ELP2: variants seen among roughly 807,000 people sequenced by gnomAD.
ELP2 encodes elongator acetyltransferase complex subunit 2, also known as elongator complex protein 2.
Under a neutral mutation model 119.2 loss-of-function variants are expected in ELP2, and 90 were observed. The ratio of observed to expected loss-of-function variants is 0.75; its 90% CI spans 0.64 to 0.90. The LOEUF (loss-of-function observed/expected upper bound fraction) is 0.90. Ranked by LOEUF, ELP2 falls within the 40% of genes least tolerant of loss-of-function variation. ELP2 has a pLI of 0.00. For synonymous variants in ELP2, 339 were observed against 331.0 expected, an observed-to-expected ratio of 1.02 and a Z score of -0.26; for missense variants, 921 against 967.8, an observed-to-expected ratio of 0.95 and a Z score of 0.64.
intron 2 of ELP2, among the ~76,000 whole-genome samples, chr18:36,135,233 A>G (rs1260610102): frequency 6.6e-6 from 1 of 152,270 alleles, no homozygotes; most frequent in Non-Finnish European, 1.5e-5. Context: ...ACTGTAATCT[A>G]TAACTATTAT....
intron 4 of ELP2, 67 bp downstream of exon 4, chr18:36,138,493 G>A: frequency 4.7e-6 from 7 of 1,495,184 alleles, no homozygotes; most frequent in Non-Finnish European, 6.5e-6. Flanking sequence ...ACGAGTAGAA[G>A]AGCATATATA....
chr18:36,170,811 C>T, intron 20 of ELP2: 1 of 558,722 alleles, frequency 1.8e-6, no homozygotes, highest in South Asian at 2.1e-5. Context: ...GCTGGGGAAA[C>T]ACTGGCTCAT....
At chr18:36,133,897 GTTTTTTTTTTTTT>G (rs57135329) in intron 2 of ELP2, among the ~76,000 whole-genome samples, 31 of 60,808 alleles carry the variant, frequency 5.1e-4, no homozygotes, top group African/African-American at 2.2e-3. Flanking sequence ...TTTTTTAGGG[GTTTTTTTTTTTTT>G]TTTTTTTTTT....
chr18:36,163,576 T>C (rs1019906919), intron 17 of ELP2, among the ~76,000 whole-genome samples: 2 of 152,144 alleles, frequency 1.3e-5, no homozygotes, highest in African/African-American at 4.8e-5. Context: ...AGGAGTTTTA[T>C]GGATTTTTAG....
At chr18:36,171,403 C>T (rs964222279) in intron 21 of ELP2, among the ~76,000 whole-genome samples, 3 of 152,290 alleles carry the variant, frequency 2.0e-5, no homozygotes, top group Non-Finnish European at 4.4e-5. Context: ...TTATAAACAA[C>T]CATTTGAGAT....
chr18:36,136,612 GA>G, intron 3 of ELP2: 1 of 507,120 alleles, frequency 2.0e-6, no homozygotes, highest in Non-Finnish European at 3.5e-6. Flanking sequence ...GCTGGTCTCA[GA>G]AATGACTTTT....
chr18:36,141,115 A>G (rs1481018709), intron 5 of ELP2, 22 bp from the exon 6 acceptor site: 1 of 1,604,260 alleles, frequency 6.2e-7, no homozygotes, highest in Admixed American at 1.7e-5. Context: ...CTCACAGTGA[A>G]GCCTGTTTTT....
intron 11 of ELP2, among the ~76,000 whole-genome samples, chr18:36,151,517 G>A (rs936280022): frequency 1.3e-5 from 2 of 151,998 alleles, no homozygotes; most frequent in Non-Finnish European, 2.9e-5. Flanking sequence ...TTACTACTTC[G>A]TTTTAGGCCA....
At chr18:36,147,012 A>G (rs1166103129) in intron 11 of ELP2, among the ~76,000 whole-genome samples, 1 of 151,760 alleles carries the variant, frequency 6.6e-6, no homozygotes, top group Non-Finnish European at 1.5e-5. Context: ...GGGTTCACTT[A>G]CTAGCTATGT....
chr18:36,163,552 C>T (rs866582724), intron 17 of ELP2, among the ~76,000 whole-genome samples: 37 of 151,848 alleles, frequency 2.4e-4, no homozygotes, highest in African/African-American at 6.5e-4. Flanking sequence ...GATTTTTCTG[C>T]TGTGTTTTGT....
intron 5 of ELP2, chr18:36,139,491 G>A (rs2089947944): frequency 1.3e-6 from 2 of 1,535,616 alleles, no homozygotes; most frequent in East Asian, 2.4e-5. Flanking sequence ...CTCTGTAGCA[G>A]GAGCTGCGAC....
chr18:36,157,851 C>T (rs926007012), intron 13 of ELP2, among the ~76,000 whole-genome samples: 13 of 152,176 alleles, frequency 8.5e-5, no homozygotes, highest in African/African-American at 1.9e-4. Flanking sequence ...TAGAGCTAAG[C>T]GTATGGAGGT....
chr18:36,147,269 G>T (rs991315136), intron 11 of ELP2, among the ~76,000 whole-genome samples: 4 of 151,802 alleles, frequency 2.6e-5, no homozygotes, highest in African/African-American at 9.7e-5. Context: ...TAGACACAGG[G>T]TCTTGCTTTG....
chr18:36,132,144 C>T (rs1462041871), intron 1 of ELP2, among the ~76,000 whole-genome samples: 2 of 152,124 alleles, frequency 1.3e-5, no homozygotes, highest in East Asian at 3.9e-4. Context: ...TCCTGGCCTC[C>T]TGAAGTGCTG....
rs925678929 is a variant in ELP2 at position 36,160,912 on chromosome 18, T to C, written c.1689-20T>C. On this transcript the variant is annotated intron_variant, in intron 16 of 21. Coordinates refer to ENST00000358232, the MANE Select transcript of ELP2 (RefSeq NM_018255.4). Reference sequence around the variant, plus strand: ...ATAGATTCATTTGCTAATAGTACTTTTTTTCTTTTTAAATTTTAGATATGG... The same window carrying C: ...ATAGATTCATTTGCTAATAGTACTTCTTTTCTTTTTAAATTTTAGATATGG... 5 of 1,565,116 alleles carry C rather than the reference T, an allele frequency of 3.2e-6. No individual in the cohort carries two copies. The African/African-American group carries it at 6.8e-5, about 21-fold the overall frequency.
intron 19 of ELP2, among the ~76,000 whole-genome samples, chr18:36,168,673 A>G (rs1441679189): frequency 2.6e-5 from 4 of 152,146 alleles, no homozygotes; most frequent in Non-Finnish European, 5.9e-5. Context: ...TACAGGGATT[A>G]TGGGAACTAC....
At chr18:36,138,983 A>G (rs957682368) in intron 5 of ELP2, 111 bp downstream of exon 5, 18 of 823,528 alleles carry the variant, frequency 2.2e-5, no homozygotes, top group Middle Eastern at 3.1e-4. Flanking sequence ...GAATGTTTCT[A>G]TGAAACAAGA....
At chr18:36,170,235 T>C in intron 20 of ELP2, 39 bp downstream of exon 20, 2 of 1,613,624 alleles carry the variant, frequency 1.2e-6, no homozygotes, top group Non-Finnish European at 1.7e-6. Context: ...AGAGGACCAC[T>C]TGGTTTCTTA....
intron 21 of ELP2, among the ~76,000 whole-genome samples, chr18:36,172,186 G>C (rs892951058): frequency 6.6e-6 from 1 of 152,114 alleles, no homozygotes; most frequent in African/African-American, 2.4e-5. Flanking sequence ...AGGATCACTT[G>C]AGCCCAGGAG....
Sources: gnomAD v4.1 joint callset for allele counts (sites outside exome capture counted in the v4.1 genomes callset) on GRCh38, gnomAD v4.1.1 for gene constraint, MANE v1.5 for transcripts, NCBI Gene and HGNC (gene_info 2026-07-23, HGNC 2026-07-21) for gene names.